The following PRKD1 variants were observed in gnomAD, a reference collection of about 807,000 sequenced individuals.
PRKD1 encodes the protein protein kinase D1, also known as serine/threonine-protein kinase D1.
Under a neutral mutation model 95.9 loss-of-function variants are expected in PRKD1, and 63 were observed. That is an observed-to-expected ratio of 0.66 (90% CI 0.54 to 0.81). PRKD1 has a LOEUF of 0.81. PRKD1 is among the 30% of genes least tolerant of loss of function. The pLI is 0.00. For missense variants in PRKD1, 1,048 were observed against 1,165.3 expected (o/e 0.90, Z 1.47); for synonymous variants, 425 against 423.1 (o/e 1.00, Z -0.05).
intron 4 of PRKD1, among the ~76,000 whole-genome samples, chr14:29,663,170 T>TATATATATATATATATATATATATATA (rs1566522868): frequency 6.9e-6 from 1 of 145,602 alleles, no homozygotes; most frequent in Non-Finnish European, 1.5e-5. Context: ...TATATATATA[T>TATATATATATATATATATATATATATA]TCTAGAGCTA....
rs34161174 is a variant in PRKD1 at position 29,787,215 on chromosome 14, G to GTTTT, written c.265-61545_265-61542dup. On this transcript the variant is annotated intron_variant, in intron 1 of 17. Transcript: ENST00000331968. ...AGGTACTTGATATAATTTGTTCAGTGTTTTTTTTTTTTTTTTTTTTTTGAG... is the reference window on the plus strand; with the variant it reads ...AGGTACTTGATATAATTTGTTCAGTGTTTTTTTTTTTTTTTTTTTTTTTTTTGAG... Among the ~76,000 whole-genome samples, 388 of 85,198 alleles carry GTTTT rather than the reference G, an allele frequency of 4.6e-3. 4 individuals are homozygous for GTTTT. The highest frequency in any genetic ancestry group is 0.014 in the African/African-American group (299 of 22,012). The allele number at this position is 85,198 out of a possible 152,430, so 55.9% of individuals were successfully genotyped here.
At chr14:29,688,694 A>G (rs1317741854) in intron 2 of PRKD1, among the ~76,000 whole-genome samples, 1 of 152,098 alleles carries the variant, frequency 6.6e-6, no homozygotes, top group Non-Finnish European at 1.5e-5. Flanking sequence ...CACTTTGGGA[A>G]GCCAAGGCAG....
chr14:29,825,106 A>C (rs1891059013), intron 1 of PRKD1, among the ~76,000 whole-genome samples: 1 of 152,138 alleles, frequency 6.6e-6, no homozygotes, highest in African/African-American at 2.4e-5. Context: ...AAATCTAGTG[A>C]ACCGCCAGTT....
chr14:29,648,920 C>A (rs1358085283), intron 4 of PRKD1, among the ~76,000 whole-genome samples: 1 of 152,250 alleles, frequency 6.6e-6, no homozygotes, highest in Non-Finnish European at 1.5e-5. Flanking sequence ...TCCCAAAGTG[C>A]TGGGATTACA....
chr14:29,768,129 A>G (rs575576900), intron 1 of PRKD1, among the ~76,000 whole-genome samples: 29 of 152,328 alleles, frequency 1.9e-4, no homozygotes, highest in African/African-American at 6.0e-4. Context: ...CTCCCAGAGG[A>G]AGACACATTG....
intron 1 of PRKD1, among the ~76,000 whole-genome samples, chr14:29,773,666 T>C (rs1233720607): frequency 6.6e-6 from 1 of 152,166 alleles, no homozygotes; most frequent in African/African-American, 2.4e-5. Flanking sequence ...ACAATATTTC[T>C]ACAGAAAAGA....
At chr14:29,682,948 T>G (rs904594194) in intron 2 of PRKD1, among the ~76,000 whole-genome samples, 1 of 152,246 alleles carries the variant, frequency 6.6e-6, no homozygotes, top group East Asian at 1.9e-4. Flanking sequence ...TGTGTGCAAG[T>G]GTGCCAGAGC....
At chr14:29,756,330 C>A (rs1177692426) in intron 1 of PRKD1, among the ~76,000 whole-genome samples, 1 of 152,124 alleles carries the variant, frequency 6.6e-6, no homozygotes, top group East Asian at 1.9e-4. Flanking sequence ...TTTCTCTGTA[C>A]TATGCGTAAA....
At chr14:29,681,855 C>G (rs1190315698) in intron 2 of PRKD1, among the ~76,000 whole-genome samples, 1 of 152,118 alleles carries the variant, frequency 6.6e-6, no homozygotes, top group Non-Finnish European at 1.5e-5. Flanking sequence ...ATTTATATTT[C>G]AGAATTCACA....
chr14:29,636,161 G>T, intron 7 of PRKD1, 129 bp downstream of exon 7: 2 of 1,129,284 alleles, frequency 1.8e-6, no homozygotes, highest in Non-Finnish European at 2.6e-6. Flanking sequence ...ACAGCACGCA[G>T]TTCATTCATA....
At chr14:29,815,580 G>A (rs957143813) in intron 1 of PRKD1, among the ~76,000 whole-genome samples, 1 of 152,186 alleles carries the variant, frequency 6.6e-6, no homozygotes, top group Non-Finnish European at 1.5e-5. Context: ...CATTCACTAA[G>A]GATTCAGCTT....
At chr14:29,744,503 C>T (rs924895035) in intron 1 of PRKD1, among the ~76,000 whole-genome samples, 1 of 152,070 alleles carries the variant, frequency 6.6e-6, no homozygotes, top group Non-Finnish European at 1.5e-5. Flanking sequence ...CTACTCTTGC[C>T]CCCAGCAATC....
rs942517796 is a variant in PRKD1, at chr14:29,634,410, G to A, written c.1314+8C>T. 5.0e-6 allele frequency: 8 copies of A among 1,613,770 alleles called. No homozygotes were observed. The Admixed American group carries it at 1.2e-4, about 24-fold the overall frequency. Reference sequence around the variant, plus strand: ...AGGCAAGAGAACATTGTTCCCTGTGGATCTTACCAGCGTGTCCTTGCTGGT... The same window carrying A: ...AGGCAAGAGAACATTGTTCCCTGTGAATCTTACCAGCGTGTCCTTGCTGGT... On this transcript the variant is annotated splice_region_variant and intron_variant, in intron 8 of 17. Coordinates refer to ENST00000331968, the MANE Select transcript of PRKD1 (RefSeq NM_002742.3).
At chr14:29,790,595 T>C (rs1241395475) in intron 1 of PRKD1, among the ~76,000 whole-genome samples, 8 of 152,194 alleles carry the variant, frequency 5.3e-5, no homozygotes, top group African/African-American at 7.2e-5. Context: ...TTTAATCTCA[T>C]TGCTCATATT....
chr14:29,752,698 G>A (rs1887534640), intron 1 of PRKD1, among the ~76,000 whole-genome samples: 1 of 151,892 alleles, frequency 6.6e-6, no homozygotes, highest in South Asian at 2.1e-4. Flanking sequence ...AATATGATGA[G>A]GTCAAAGGCC....
chr14:29,747,707 C>CA (rs1013930420), intron 1 of PRKD1, among the ~76,000 whole-genome samples: 2 of 152,068 alleles, frequency 1.3e-5, no homozygotes, highest in African/African-American at 4.8e-5. Flanking sequence ...ATAGAAATGT[C>CA]AAAAAATTTA....
intron 1 of PRKD1, among the ~76,000 whole-genome samples, chr14:29,910,220 TGAACAACTCCGGATGGGAGGAAC>T (rs1566667211): frequency 6.6e-6 from 1 of 152,046 alleles, no homozygotes; most frequent in Non-Finnish European, 1.5e-5. Flanking sequence ...CTGGGAGGAA[TGAACAACTCCGGATGGGAGGAAC>T]GAACAACTCC....
intron 4 of PRKD1, among the ~76,000 whole-genome samples, chr14:29,641,898 CT>C (rs751584936): frequency 0.013 from 1,547 of 116,658 alleles, 14 homozygotes; most frequent in African/African-American, 0.043. Context: ...AAAAATATTT[CT>C]TTTTTTTTTT....
At chr14:29,703,568 T>G (rs893218619) in intron 2 of PRKD1, among the ~76,000 whole-genome samples, 2 of 152,156 alleles carry the variant, frequency 1.3e-5, no homozygotes, top group African/African-American at 4.8e-5. Context: ...GATTACTATC[T>G]CACAATCAGA....
Sources: gnomAD v4.1 joint callset for allele counts (sites outside exome capture counted in the v4.1 genomes callset) on GRCh38, gnomAD v4.1.1 for gene constraint, MANE v1.5 for transcripts, NCBI Gene and HGNC (gene_info 2026-07-23, HGNC 2026-07-21) for gene names.